Variants in TASP1 observed in about 807,000 individuals in gnomAD.
TASP1 encodes taspase 1.
In TASP1, 16 loss-of-function variants were observed where a neutral mutation model predicts 56.6. The observed-to-expected ratio is 0.28, with a 90% CI of 0.19 to 0.43. TASP1 has a LOEUF of 0.43. Ranked by LOEUF, TASP1 falls within the 20% of genes least tolerant of loss-of-function variation. The probability of loss-of-function intolerance (pLI) is 1.00; values close to 1 mark genes in which losing one functional copy is unlikely to be tolerated. For missense variants in TASP1, 393 were observed against 511.6 expected (o/e 0.77, Z 2.24); for synonymous variants, 179 against 184.2 (o/e 0.97, Z 0.23).
the TASP1 span, among the ~76,000 whole-genome samples, chr20:13,206,906 T>G: frequency 6.6e-6 from 1 of 152,086 alleles, no homozygotes; most frequent in Admixed American, 6.5e-5. Context: ...TAGAAAAATA[T>G]TAGGTTAATA....
the TASP1 span, among the ~76,000 whole-genome samples, chr20:13,230,470 T>G: frequency 6.6e-6 from 1 of 152,338 alleles, no homozygotes; most frequent in South Asian, 2.1e-4. Flanking sequence ...TAGTGCTTTC[T>G]GTGGTTCTAT....
intron 9 of TASP1, 97 bp downstream of exon 9, chr20:13,533,925 T>G: frequency 7.2e-7 from 1 of 1,383,468 alleles, no homozygotes; most frequent in Middle Eastern, 1.9e-4. Flanking sequence ...ATTCATTTTT[T>G]CTAAAGAAAA....
At chr20:13,247,355 A>T in the TASP1 span, among the ~76,000 whole-genome samples, 1 of 152,216 alleles carries the variant, frequency 6.6e-6, no homozygotes, top group African/African-American at 2.4e-5. Flanking sequence ...TTGTGTCTTT[A>T]AGTGTCAGCG....
chr20:13,522,070 G>A (rs1171023440), intron 10 of TASP1, among the ~76,000 whole-genome samples: 2 of 152,136 alleles, frequency 1.3e-5, no homozygotes, highest in Non-Finnish European at 2.9e-5. Context: ...GAGTGTGCGT[G>A]GCATGTGTGA....
intron 10 of TASP1, among the ~76,000 whole-genome samples, chr20:13,511,139 T>G (rs940758724): frequency 3.3e-5 from 5 of 151,804 alleles, no homozygotes; most frequent in African/African-American, 1.2e-4. Context: ...CTGAGAAGTC[T>G]GCTGGGGAGC....
the TASP1 span, among the ~76,000 whole-genome samples, chr20:13,363,662 G>A: frequency 1.2e-3 from 177 of 152,274 alleles, 1 homozygote; most frequent in Non-Finnish European, 2.0e-3. Context: ...GTTGGGGAAG[G>A]GTTTGTGGAA....
At chr20:13,153,524 G>A in the TASP1 span, among the ~76,000 whole-genome samples, 2 of 152,014 alleles carry the variant, frequency 1.3e-5, no homozygotes, top group African/African-American at 4.8e-5. Flanking sequence ...AATTCAGATT[G>A]GATGAAGGAT....
intron 8 of TASP1, among the ~76,000 whole-genome samples, chr20:13,544,613 G>A (rs1475235464): frequency 6.6e-6 from 1 of 152,158 alleles, no homozygotes; most frequent in Non-Finnish European, 1.5e-5. Context: ...TACAAAGCTA[G>A]ACAAGCTAAG....
chr20:13,231,599 G>A, the TASP1 span, among the ~76,000 whole-genome samples: 4 of 152,174 alleles, frequency 2.6e-5, no homozygotes, highest in Non-Finnish European at 4.4e-5. Flanking sequence ...TTTGTAAACC[G>A]AGTAGAAGTA....
chr20:13,204,528 C>CATATATATAT, the TASP1 span, among the ~76,000 whole-genome samples: 23 of 145,282 alleles, frequency 1.6e-4, no homozygotes, highest in African/African-American at 5.1e-4. Context: ...TTTATATATT[C>CATATATATAT]ATATATATAT....
At chr20:13,323,770 T>TC in the TASP1 span, among the ~76,000 whole-genome samples, 1 of 152,186 alleles carries the variant, frequency 6.6e-6, no homozygotes, top group Non-Finnish European at 1.5e-5. Flanking sequence ...AAAGCCTTCT[T>TC]CTTCAATCCC....
At chr20:13,336,577 C>T in the TASP1 span, among the ~76,000 whole-genome samples, 1 of 152,170 alleles carries the variant, frequency 6.6e-6, no homozygotes, top group Admixed American at 6.5e-5. Flanking sequence ...GGCAGTATAA[C>T]ATTAACTAGG....
chr20:13,113,579 T>A, the TASP1 span, among the ~76,000 whole-genome samples: 1 of 152,220 alleles, frequency 6.6e-6, no homozygotes, highest in Admixed American at 6.5e-5. Context: ...ATTATTCATA[T>A]GTAGAATATA....
chr20:13,150,514 C>G, the TASP1 span, among the ~76,000 whole-genome samples: 1 of 152,154 alleles, frequency 6.6e-6, no homozygotes, highest in Non-Finnish European at 1.5e-5. Flanking sequence ...GAGTTCCATC[C>G]AGGGACTCCA....
At chr20:13,328,407 C>T in the TASP1 span, among the ~76,000 whole-genome samples, 5 of 152,248 alleles carry the variant, frequency 3.3e-5, no homozygotes, top group South Asian at 8.3e-4. Flanking sequence ...GGTGATTCCT[C>T]AAATATGTAG....
intron 11 of TASP1, among the ~76,000 whole-genome samples, chr20:13,482,342 A>C (rs2043169959): frequency 6.6e-6 from 1 of 152,118 alleles, no homozygotes; most frequent in South Asian, 2.1e-4. Flanking sequence ...ATATAATGTG[A>C]TTCCTCCATT....
chr20:13,402,150 A>G (rs190636704), intron 13 of TASP1, among the ~76,000 whole-genome samples: 8 of 152,358 alleles, frequency 5.3e-5, no homozygotes, highest in Non-Finnish European at 1.2e-4. Flanking sequence ...CACCTCTGGG[A>G]AGACTTATAC....
At chr20:13,533,217 T>C (rs1340084341) in intron 9 of TASP1, among the ~76,000 whole-genome samples, 1 of 152,296 alleles carries the variant, frequency 6.6e-6, no homozygotes, top group South Asian at 2.1e-4. Flanking sequence ...ACATTCCATC[T>C]ATAAGATGCC....
At chr20:13,543,629 C>T (rs1444400988) in intron 8 of TASP1, among the ~76,000 whole-genome samples, 4 of 152,164 alleles carry the variant, frequency 2.6e-5, no homozygotes, top group East Asian at 3.9e-4. Context: ...AATCACTTCC[C>T]GACCAAACAG....
Sources: allele counts gnomAD v4.1 joint callset (sites outside exome capture counted in the v4.1 genomes callset), GRCh38; gene constraint gnomAD v4.1.1; transcripts MANE v1.5; gene names NCBI Gene and HGNC (gene_info 2026-07-23, HGNC 2026-07-21).